Variants in POU2F2 observed in about 807,000 individuals in gnomAD.
POU2F2 encodes POU domain, class 2, transcription factor 2.
Under a neutral mutation model 63.5 loss-of-function variants are expected in POU2F2, and 14 were observed. That is an observed-to-expected ratio of 0.22 (90% CI 0.15 to 0.34). POU2F2 has a LOEUF of 0.34. Ranked by LOEUF, POU2F2 falls within the 10% of genes least tolerant of loss-of-function variation. The pLI is 1.00. For synonymous variants in POU2F2, 306 were observed against 348.6 expected (o/e 0.88, Z 1.36); for missense variants, 607 against 815.2 (o/e 0.74, Z 3.11).
At chr19:42,186,074 G>A (rs1014696824) in intron 1 of POU2F2, among the ~76,000 whole-genome samples, 1 of 151,980 alleles carries the variant, frequency 6.6e-6, no homozygotes, top group African/African-American at 2.4e-5. Flanking sequence ...ATTTTAAAGG[G>A]GACTGGGACG....
chr19:42,090,971 T>A lies in POU2F2; in HGVS notation c.*286A>T. On this transcript the variant is annotated 3_prime_UTR_variant, in exon 15 of 15. Coordinates refer to ENST00000692977, the MANE Select transcript of POU2F2 (RefSeq NM_001394376.1). The surrounding 1 kb of genome is among the most constrained non-coding windows in gnomAD (Gnocchi z 4.4). The stretch of plus-strand genomic sequence containing the variant: ...TTTTTGGTTTGTTTGATTTTGTGGG[T>A]TTTTTTTTTTTTTGGTTTGTTTTTG... The A allele has an allele frequency of 6.4e-6, 1 of 157,116 alleles. No individual in the cohort carries two copies. The highest frequency in any genetic ancestry group is 2.0e-4 in the South Asian group (1 of 5,010). The allele number at this position is 157,116 out of a possible 1,614,324, so 9.7% of individuals were successfully genotyped here.
At chr19:42,188,566 G>A (rs1365972803) in intron 1 of POU2F2, among the ~76,000 whole-genome samples, 5 of 151,026 alleles carry the variant, frequency 3.3e-5, no homozygotes, top group Non-Finnish European at 7.4e-5. Context: ...AGCTACTCGG[G>A]AGGCTGAGGC....
At position 42,086,955 on chromosome 19, in the gene POU2F2, C is replaced by T. The variant is rs1191162348; in HGVS notation, c.*4302G>A. The T allele has an allele frequency of 2.6e-5, 4 of 152,132 alleles. No homozygotes were observed. Among genetic ancestry groups the T allele is most frequent in the Non-Finnish European group, 4.4e-5 (3 of 68,022 alleles). 9.4% of individuals were successfully genotyped at this position (152,132 alleles called of 1,614,324 possible). A position where few individuals can be genotyped will look rare whatever the true frequency, so the allele number is the denominator to read the frequency against. On this transcript the variant is annotated 3_prime_UTR_variant, in exon 15 of 15. Transcript: ENST00000692977. ...TCAAGGACAAATACTTAAAAATATACATTATTTTTTCTTTGTTTCCGCCTT... is the reference window on the plus strand; with the variant it reads ...TCAAGGACAAATACTTAAAAATATATATTATTTTTTCTTTGTTTCCGCCTT...
chr19:42,163,046 C>T (rs1314285241), intron 1 of POU2F2, among the ~76,000 whole-genome samples: 2 of 152,116 alleles, frequency 1.3e-5, no homozygotes, highest in Non-Finnish European at 2.9e-5. Flanking sequence ...AAGTCACTTG[C>T]TCAAGGTCAC....
intron 1 of POU2F2, among the ~76,000 whole-genome samples, chr19:42,186,046 C>T (rs535879977): frequency 6.5e-4 from 99 of 152,220 alleles, no homozygotes; most frequent in African/African-American, 2.3e-3. Flanking sequence ...CGCACAACTA[C>T]ACCCGGCATT....
At chr19:42,131,552 G>C (rs1318898823) in intron 1 of POU2F2, among the ~76,000 whole-genome samples, 3 of 152,202 alleles carry the variant, frequency 2.0e-5, no homozygotes, top group Non-Finnish European at 2.9e-5. Context: ...CTGAGTGATA[G>C]CCATCACCAT....
intron 1 of POU2F2, among the ~76,000 whole-genome samples, chr19:42,160,744 C>T (rs145957722): frequency 6.6e-6 from 1 of 152,280 alleles, no homozygotes; most frequent in East Asian, 1.9e-4. Flanking sequence ...ATTTGAGATG[C>T]TCAATTAGTG....
Position 42,090,541 on chromosome 19 carries a change from G to A in POU2F2, c.*716C>T, listed in dbSNP as rs911649838. On this transcript the variant is annotated 3_prime_UTR_variant, in exon 15 of 15. Transcript: ENST00000692977. The surrounding 1 kb of genome is among the most constrained non-coding windows in gnomAD (Gnocchi z 4.4). ...GTGGGGAGAGCTGGGGGCCAGGGGA[G>A]AAGGGGACACATGGTAGGGACACAT... 2.0e-5 allele frequency: 3 copies of A among 152,740 alleles called. No homozygotes were observed. Among genetic ancestry groups the A allele is most frequent in the African/African-American group, 7.2e-5 (3 of 41,444 alleles). 9.5% of individuals were successfully genotyped at this position (152,740 alleles called of 1,614,324 possible).
At chr19:42,132,528 C>T (rs1439388910), upstream of POU2F2, 1 of 1,011,648 alleles carries the variant, frequency 9.9e-7, no homozygotes, top group African/African-American at 1.7e-5. Context: ...CGGTCCGCCC[C>T]CTTCAGAAGG....
At chr19:42,170,001 G>A (rs980400242) in intron 1 of POU2F2, among the ~76,000 whole-genome samples, 1 of 152,082 alleles carries the variant, frequency 6.6e-6, no homozygotes. Flanking sequence ...GGGGAGTGGT[G>A]GGGGAGGGGC....
In POU2F2 at chr19:42,162,316, G is replaced by T. The variant is rs1272119730; in HGVS notation, c.-69-1924C>A. Among the ~76,000 whole-genome samples the T allele has an allele frequency of 6.6e-6, 1 of 151,970 alleles. No individual in the cohort carries two copies. The highest frequency in any genetic ancestry group is 1.5e-5 in the Non-Finnish European group (1 of 67,994). ...ATATGCCCTCCGACAGAGGGGAGAG[G>T]ATCCCTCTCCCAAGCAGACAACACC... On this transcript the variant is annotated intron_variant, in intron 1 of 6. Transcript: ENST00000524801. The surrounding 1 kb of genome is among the most constrained non-coding windows in gnomAD (Gnocchi z 4.1).
At position 42,117,638 on chromosome 19, in the gene POU2F2, T is replaced by C. The variant is rs2032092964; in HGVS notation, c.187-206A>G. Among the ~76,000 whole-genome samples the C allele has an allele frequency of 6.6e-6, 1 of 152,052 alleles. No individual in the cohort carries two copies. The highest frequency in any genetic ancestry group is 1.5e-5 in the Non-Finnish European group (1 of 67,996). ...CCCAAACTCCCTACAGAAGTCGCCT[T>C]TGCAGAGCACTTTTCCCCTCCTGAG... On this transcript the variant is annotated intron_variant, in intron 4 of 14. Transcript: ENST00000692977. This position sits in a 1 kb window ranked among gnomAD's most constrained non-coding sequence, Gnocchi z 4.4.
At chr19:42,195,099 AAGGGAGGGAGGGAGGG>A (rs1307717254) in intron 1 of POU2F2, among the ~76,000 whole-genome samples, 1 of 49,790 alleles carries the variant, frequency 2.0e-5, no homozygotes, top group Non-Finnish European at 3.7e-5. Flanking sequence ...GGGAGGAAGG[AAGGGAGGGAGGGAGGG>A]AGGAACGAAG....
At chr19:42,163,727 T>A (rs1406355085) in intron 1 of POU2F2, among the ~76,000 whole-genome samples, 1 of 152,040 alleles carries the variant, frequency 6.6e-6, no homozygotes, top group Non-Finnish European at 1.5e-5. Context: ...AGGCTTCACA[T>A]CCAAGCCTCA....
chr19:42,111,071 G>GTCCT lies in POU2F2; in HGVS notation c.369+6175_369+6178dup, dbSNP rs2031007583. Reference sequence around the variant, plus strand: ...GAGGGTGGGAACCCAATCTGGCTGAGTCCTTCCTTCCTTCCATCTGTCCAT... The same window carrying GTCCT: ...GAGGGTGGGAACCCAATCTGGCTGAGTCCTTCCTTCCTTCCTTCCATCTGTCCAT... On this transcript the variant is annotated intron_variant, in intron 5 of 14. Transcript: ENST00000692977. Among the ~76,000 whole-genome samples the GTCCT allele has an allele frequency of 1.2e-4, 18 of 152,226 alleles. No individual in the cohort carries two copies. In the South Asian group the frequency reaches 3.7e-3, roughly 32 times the overall value.
At chr19:42,181,151 G>A (rs934283243) in intron 1 of POU2F2, among the ~76,000 whole-genome samples, 5 of 152,314 alleles carry the variant, frequency 3.3e-5, no homozygotes, top group South Asian at 2.1e-4. Flanking sequence ...TAAGCAATCC[G>A]CACATGCAGG....
At chr19:42,166,066 A>AGGATGGCTGG (rs2034643468) in intron 1 of POU2F2, among the ~76,000 whole-genome samples, 1 of 152,232 alleles carries the variant, frequency 6.6e-6, no homozygotes, top group African/African-American at 2.4e-5. Context: ...AGGGGAATTA[A>AGGATGGCTGG]GGATGGCTGG....
At position 42,156,513 on chromosome 19, in the gene POU2F2, C is replaced by T. The variant is rs933535852; in HGVS notation, c.-9+3819G>A. On this transcript the variant is annotated intron_variant, in intron 2 of 6. Transcript: ENST00000524801. The surrounding 1 kb of genome is among the most constrained non-coding windows in gnomAD (Gnocchi z 4.1). ...CACCCTATAGGTCCCACCACACGGC[C>T]ATAGCCCACCAGCATCCCAGAGCTG... is the stretch of plus-strand genomic sequence containing the variant. 2 of 153,034 alleles carry T rather than the reference C, an allele frequency of 1.3e-5. No individual in the cohort carries two copies. Among genetic ancestry groups the T allele is most frequent in the Non-Finnish European group, 2.9e-5 (2 of 68,454 alleles). 9.5% of individuals were successfully genotyped at this position (153,034 alleles called of 1,614,324 possible).
rs755798150 is a variant in POU2F2 at position 42,169,904 on chromosome 19, C to T, written c.-70+6059G>A. 1.3e-5 allele frequency among the ~76,000 whole-genome samples: 2 copies of T among 152,156 alleles called. No homozygotes were observed. The highest frequency in any genetic ancestry group is 2.9e-5 in the Non-Finnish European group (2 of 68,002). On this transcript the variant is annotated intron_variant, in intron 1 of 6. Transcript: ENST00000524801. This position sits in a 1 kb window ranked among gnomAD's most constrained non-coding sequence, Gnocchi z 4.3. ...ACACACACACCCTTGCTCATATGTG[C>T]CTTGCAGATGGGGAGGGGGCCGGGG...
Sources: gnomAD v4.1 joint callset for allele counts (sites outside exome capture counted in the v4.1 genomes callset) on GRCh38, gnomAD v4.1.1 for gene constraint, Gnocchi (gnomAD v3.1) non-coding constraint, MANE v1.5 for transcripts, NCBI Gene and HGNC (gene_info 2026-07-23, HGNC 2026-07-21) for gene names.